Variants in SLC9B2 observed in about 807,000 individuals in gnomAD.
SLC9B2 encodes the protein sodium/hydrogen exchanger 9B2.
In SLC9B2, 39 loss-of-function variants were observed where a neutral mutation model predicts 52.2. The ratio of observed to expected loss-of-function variants is 0.75; its 90% CI spans 0.58 to 0.98. SLC9B2 has a LOEUF of 0.98. Among genes scored for constraint, SLC9B2 ranks in the 50% least tolerant of loss-of-function variants. SLC9B2 has a pLI of 0.00. For missense variants in SLC9B2, 626 were observed against 637.5 expected, an observed-to-expected ratio of 0.98 and a Z score of 0.19; for synonymous variants, 214 against 227.0, an observed-to-expected ratio of 0.94 and a Z score of 0.51.
chr4:103,061,716 C>T (rs1745659693), intron 3 of SLC9B2, among the ~76,000 whole-genome samples: 1 of 152,104 alleles, frequency 6.6e-6, no homozygotes, highest in Admixed American at 6.5e-5. Context: ...GTGGGGCCAC[C>T]TTGAGTGCTT....
intron 1 of SLC9B2, among the ~76,000 whole-genome samples, chr4:103,074,258 TACTGAACAAAC>T (rs908140512): frequency 2.6e-5 from 4 of 152,208 alleles, no homozygotes; most frequent in African/African-American, 4.8e-5. Context: ...ATTACTGAGC[TACTGAACAAAC>T]CCTGGACCCA....
intron 1 of SLC9B2, among the ~76,000 whole-genome samples, chr4:103,071,280 T>C (rs1351128355): frequency 6.6e-6 from 1 of 152,026 alleles, no homozygotes; most frequent in African/African-American, 2.4e-5. Flanking sequence ...CTTGGCTCAC[T>C]GCAACCTCCG....
intron 4 of SLC9B2, among the ~76,000 whole-genome samples, chr4:103,055,291 T>C (rs889883908): frequency 2.0e-5 from 3 of 151,128 alleles, no homozygotes; most frequent in African/African-American, 7.3e-5. Flanking sequence ...CTAATGTAAA[T>C]GATGAGTTAA....
rs1476200299 is a variant in SLC9B2, at chr4:103,026,469, T to C, written c.1515A>G (p.Gly505=). The change falls in exon 12 of 12, where the codon GGA becomes GGG. Residue 505 remains glycine, a synonymous_variant. Transcript: ENST00000394785. ...GGCCCAGTAAACCAATAAGCAGACT[T>C]CCAATTGGGGCTGTGATGAGGATGG... The part of the protein sequence containing the change: ...FLSILITAPI[G]SLLIGLLGPR... 2 of 1,613,884 alleles carry C rather than the reference T, an allele frequency of 1.2e-6. No homozygotes were observed. Among genetic ancestry groups the C allele is most frequent in the Non-Finnish European group, 1.7e-6 (2 of 1,179,884 alleles).
Position 103,025,465 on chromosome 4 carries a change from C to T in SLC9B2, c.*905G>A, listed in dbSNP as rs1742112684. On this transcript the variant is annotated 3_prime_UTR_variant, in exon 12 of 12. Transcript: ENST00000394785. ...AGCAGACCTCATAAGCAGAGTAACC[C>T]TGTTGGTATTAACGAACCAGCCAGT... 6.6e-6 allele frequency: 1 copy of T among 152,114 alleles called. No individual in the cohort carries two copies. Among genetic ancestry groups the T allele is most frequent in the African/African-American group, 2.4e-5 (1 of 41,410 alleles). The allele number at this position is 152,114 out of a possible 1,614,324, so 9.4% of individuals were successfully genotyped here.
chr4:103,027,377 G>A (rs759088621), intron 11 of SLC9B2, among the ~76,000 whole-genome samples: 6 of 152,014 alleles, frequency 3.9e-5, no homozygotes, highest in South Asian at 4.1e-4. Flanking sequence ...ATTGTCAAAC[G>A]TCATGAAACA....
chr4:103,060,062 T>G (rs1218703706), intron 3 of SLC9B2, among the ~76,000 whole-genome samples: 1 of 152,072 alleles, frequency 6.6e-6, no homozygotes, highest in Non-Finnish European at 1.5e-5. Flanking sequence ...TTTTCTTTGG[T>G]TTTCCTTTCA....
At position 103,049,011 on chromosome 4, in the gene SLC9B2, T is replaced by C; in HGVS notation, c.595A>G (p.Lys199Glu). The C allele has an allele frequency of 6.2e-7, 1 of 1,613,426 alleles. No individual in the cohort carries two copies. Among genetic ancestry groups the C allele is most frequent in the Non-Finnish European group, 8.5e-7 (1 of 1,179,616 alleles). Residue 199 changes from lysine (K) to glutamate (E), a missense_variant, in exon 6 of 12, where the codon AAG (lysine) becomes GAG (glutamate). Transcript: ENST00000394785. The part of the protein sequence containing the change: ...GLGLDSKALK[K>E]LKGVCVRLSM... ...AGTCTTACACAAACGCCCTTTAACT[T>C]CTTCAGGGCCTGAAATAGAAAAGTA...
chr4:103,031,578 T>C, intron 10 of SLC9B2, 122 bp downstream of exon 10: 6 of 603,236 alleles, frequency 9.9e-6, no homozygotes, highest in South Asian at 6.1e-5. Flanking sequence ...ATTGTGACAA[T>C]AGTAACCACT....
intron 10 of SLC9B2, among the ~76,000 whole-genome samples, chr4:103,030,021 T>C (rs1560540858): frequency 6.6e-6 from 1 of 152,132 alleles, no homozygotes; most frequent in Non-Finnish European, 1.5e-5. Context: ...TTGGAAAGTA[T>C]TCAAAAATAT....
chr4:103,036,919 C>A (rs1743232769), intron 9 of SLC9B2, among the ~76,000 whole-genome samples: 1 of 152,056 alleles, frequency 6.6e-6, no homozygotes, highest in African/African-American at 2.4e-5. Context: ...ATATATACAC[C>A]AGGTCCTCAA....
chr4:103,061,345 T>C (rs1404899371), intron 3 of SLC9B2, among the ~76,000 whole-genome samples: 2 of 152,198 alleles, frequency 1.3e-5, no homozygotes, highest in African/African-American at 4.8e-5. Context: ...AATGATGAGT[T>C]CATGTCCTTT....
At chr4:103,059,773 A>C (rs1745465581) in intron 3 of SLC9B2, among the ~76,000 whole-genome samples, 1 of 152,210 alleles carries the variant, frequency 6.6e-6, no homozygotes, top group Non-Finnish European at 1.5e-5. Context: ...ATTGCATATG[A>C]GCTAATTCAT....
Position 103,072,183 on chromosome 4 carries a change from C to G in SLC9B2, c.-43+4001G>C, listed in dbSNP as rs570466431. Among the ~76,000 whole-genome samples, 4 of 151,514 alleles carry G rather than the reference C, an allele frequency of 2.6e-5. No individual in the cohort carries two copies. In the East Asian group the frequency reaches 5.8e-4, roughly 22 times the overall value. On this transcript the variant is annotated intron_variant, in intron 1 of 11. Transcript: ENST00000394785. The stretch of plus-strand genomic sequence containing the variant: ...AAGCTATTCTCCTGCCTCAGCCTCC[C>G]GAGTAGCTGGGATTAAAGGTGCCGG...
At chr4:103,032,051 A>C (rs1357781444) in intron 9 of SLC9B2, among the ~76,000 whole-genome samples, 2 of 152,178 alleles carry the variant, frequency 1.3e-5, no homozygotes, top group Non-Finnish European at 2.9e-5. Flanking sequence ...TAATAAAAAG[A>C]TTCTTATAAA....
At chr4:103,049,085 A>G in intron 5 of SLC9B2, 65 bp from the exon 6 acceptor site, 1 of 1,573,688 alleles carries the variant, frequency 6.4e-7, no homozygotes, top group Non-Finnish European at 8.6e-7. Context: ...ATGACCTTGA[A>G]TGCTTTCTCT....
At chr4:103,042,356 T>C (rs1384474955) in intron 9 of SLC9B2, 1 of 152,116 alleles carries the variant, frequency 6.6e-6, no homozygotes, top group Non-Finnish European at 1.5e-5. Flanking sequence ...CAGAATAGCA[T>C]ACAATCCTAT....
In SLC9B2 at chr4:103,023,099, A is replaced by AC. The variant is rs1367910138; in HGVS notation, c.*3270_*3271insG. Among the ~76,000 whole-genome samples, 1 of 152,204 alleles carries AC rather than the reference A, an allele frequency of 6.6e-6. No individual in the cohort carries two copies. Among genetic ancestry groups the AC allele is most frequent in the Non-Finnish European group, 1.5e-5 (1 of 68,024 alleles). On this transcript the variant is annotated 3_prime_UTR_variant, in exon 12 of 12. Transcript: ENST00000394785. ...GTTATAGCAGCCCAAGCTGACTAAG[A>AC]TAGACTAAGTGGACTAAGATCCGAA...
At chr4:103,058,622 A>G (rs112350489) in intron 3 of SLC9B2, among the ~76,000 whole-genome samples, 1,960 of 152,224 alleles carry the variant, frequency 0.013, 39 homozygotes, top group African/African-American at 0.041. Context: ...GGCTGGTCTT[A>G]AAGTCTTGAG....
Sources: gnomAD v4.1 joint callset for allele counts (sites outside exome capture counted in the v4.1 genomes callset) on GRCh38, gnomAD v4.1.1 for gene constraint, MANE v1.5 for transcripts, NCBI Gene and HGNC (gene_info 2026-07-23, HGNC 2026-07-21) for gene names.